SGCZ: variants seen among roughly 807,000 people sequenced by gnomAD.
The protein encoded by SGCZ is sarcoglycan zeta, also known as zeta-sarcoglycan.
Under a neutral mutation model 41.3 loss-of-function variants are expected in SGCZ, and 40 were observed. The ratio of observed to expected loss-of-function variants is 0.97; its 90% confidence interval spans 0.75 to 1.26. The LOEUF (loss-of-function observed/expected upper bound fraction) is 1.26. Among genes scored for constraint, SGCZ ranks in the 50% most tolerant of loss-of-function variants. The probability of loss-of-function intolerance (pLI) is 0.00; values close to 1 mark genes in which losing one functional copy is unlikely to be tolerated. For synonymous variants in SGCZ, 206 were observed against 137.5 expected (o/e 1.50, Z -3.49); for missense variants, 552 against 369.8 (o/e 1.49, Z -4.04).
chr8:15,185,502 TCTA>T (rs2117097074), intron 1 of SGCZ, among the ~76,000 whole-genome samples: 1 of 152,366 alleles, frequency 6.6e-6, no homozygotes, highest in African/African-American at 2.4e-5. Flanking sequence ...TTTTTCTATA[TCTA>T]CTCACTTGAT....
At chr8:15,032,061 C>A (rs1034021676) in intron 1 of SGCZ, among the ~76,000 whole-genome samples, 1 of 152,012 alleles carries the variant, frequency 6.6e-6, no homozygotes, top group Non-Finnish European at 1.5e-5. Context: ...TATGATTTTG[C>A]ACAAACAACT....
chr8:14,952,539 A>T (rs1389652784), intron 1 of SGCZ, among the ~76,000 whole-genome samples: 2 of 152,148 alleles, frequency 1.3e-5, no homozygotes, highest in Non-Finnish European at 2.9e-5. Context: ...ATAAATTTGC[A>T]TTAATTTTGT....
intron 3 of SGCZ, among the ~76,000 whole-genome samples, chr8:14,272,962 G>C (rs977526): frequency 0.29 from 43,894 of 151,886 alleles, 7,513 homozygotes; most frequent in Non-Finnish European, 0.39. Context: ...TCAAATATAT[G>C]AGTGTGAATG....
chr8:14,522,554 G>C (rs1264879102), intron 2 of SGCZ, among the ~76,000 whole-genome samples: 1 of 151,802 alleles, frequency 6.6e-6, no homozygotes. Context: ...GATGTCTGCA[G>C]AGCCCAGGGT....
At chr8:14,272,113 C>G (rs1452208878) in intron 3 of SGCZ, among the ~76,000 whole-genome samples, 1 of 152,162 alleles carries the variant, frequency 6.6e-6, no homozygotes, top group Non-Finnish European at 1.5e-5. Context: ...AAGCGATTCT[C>G]CTGCCTCAGC....
intron 2 of SGCZ, among the ~76,000 whole-genome samples, chr8:14,458,480 A>T (rs924451169): frequency 5.3e-5 from 8 of 152,188 alleles, no homozygotes; most frequent in African/African-American, 1.9e-4. Flanking sequence ...ACAGATAATG[A>T]GATCTAGGTG....
chr8:14,617,744 T>A (rs572078757), intron 1 of SGCZ, among the ~76,000 whole-genome samples: 2 of 152,090 alleles, frequency 1.3e-5, no homozygotes, highest in African/African-American at 4.8e-5. Context: ...ACAATAGACA[T>A]GGAAATAAAG....
Position 14,309,643 on chromosome 8 carries a change from G to A in SGCZ, c.336+14460C>T, listed in dbSNP as rs1381686925. 5 of 1,610,570 alleles carry A rather than the reference G, an allele frequency of 3.1e-6. No individual in the cohort carries two copies. In the African/African-American group the frequency reaches 5.4e-5, roughly 17 times the overall value. ...CACGCAGACACAGCTACTAAGAGCG[G>A]CTCCACCACTAAAAATAGGTTTGTT... On this transcript the variant is annotated intron_variant, in intron 3 of 7. Coordinates refer to ENST00000382080, the MANE Select transcript of SGCZ (RefSeq NM_139167.4).
intron 1 of SGCZ, among the ~76,000 whole-genome samples, chr8:14,831,775 C>A (rs1585301421): frequency 6.9e-6 from 1 of 144,308 alleles, no homozygotes; most frequent in South Asian, 2.1e-4. Flanking sequence ...CATATATACA[C>A]ACACGTATAT....
At chr8:14,946,575 GC>G in intron 1 of SGCZ, among the ~76,000 whole-genome samples, 1 of 151,926 alleles carries the variant, frequency 6.6e-6, no homozygotes, top group Non-Finnish European at 1.5e-5. Flanking sequence ...TGAGCGCCTG[GC>G]ACAATGTATG....
intron 1 of SGCZ, among the ~76,000 whole-genome samples, chr8:14,587,926 G>T (rs1195958222): frequency 1.3e-5 from 2 of 151,990 alleles, no homozygotes; most frequent in African/African-American, 4.8e-5. Flanking sequence ...TGCATCCACT[G>T]TTTCCTTGTC....
intron 1 of SGCZ, among the ~76,000 whole-genome samples, chr8:14,629,435 C>T (rs1010233191): frequency 1.3e-5 from 2 of 151,994 alleles, no homozygotes; most frequent in African/African-American, 4.8e-5. Flanking sequence ...TTATAATGTA[C>T]AAACAGATCC....
chr8:14,942,147 G>C (rs1268132906), intron 1 of SGCZ, among the ~76,000 whole-genome samples: 1 of 151,974 alleles, frequency 6.6e-6, no homozygotes, highest in African/African-American at 2.4e-5. Flanking sequence ...TCTGGGTCCA[G>C]GATCTGGTAC....
intron 1 of SGCZ, among the ~76,000 whole-genome samples, chr8:14,981,333 C>T (rs944301128): frequency 6.6e-6 from 1 of 152,154 alleles, no homozygotes; most frequent in Non-Finnish European, 1.5e-5. Context: ...TGTCTTTTCA[C>T]CTGTGTTAAG....
intron 1 of SGCZ, among the ~76,000 whole-genome samples, chr8:14,815,163 G>C (rs1801864420): frequency 1.3e-5 from 2 of 151,830 alleles, no homozygotes; most frequent in Admixed American, 1.3e-4. Flanking sequence ...ATGTTGAGAA[G>C]AAAGTGCTCA....
At chr8:14,524,354 G>A (rs1017840743) in intron 2 of SGCZ, among the ~76,000 whole-genome samples, 1 of 151,952 alleles carries the variant, frequency 6.6e-6, no homozygotes, top group African/African-American at 2.4e-5. Context: ...CTGGATTCGG[G>A]TGGGGGAATC....
chr8:14,588,697 T>C (rs1231911839), intron 1 of SGCZ, among the ~76,000 whole-genome samples: 1 of 152,032 alleles, frequency 6.6e-6, no homozygotes, highest in Non-Finnish European at 1.5e-5. Flanking sequence ...AAATGTCATC[T>C]CTCTGAATTT....
At chr8:14,639,782 T>C (rs1457257487) in intron 1 of SGCZ, among the ~76,000 whole-genome samples, 1 of 150,770 alleles carries the variant, frequency 6.6e-6, no homozygotes, top group Admixed American at 6.7e-5. Context: ...GTGAGAGACT[T>C]TTTTTTTTCT....
At chr8:14,143,350 T>C (rs1452971309) in intron 5 of SGCZ, among the ~76,000 whole-genome samples, 1 of 152,202 alleles carries the variant, frequency 6.6e-6, no homozygotes, top group East Asian at 1.9e-4. Context: ...ATAAAATACA[T>C]ACAGGTTAAA....
Sources: gnomAD v4.1 joint callset for allele counts (sites outside exome capture counted in the v4.1 genomes callset) on GRCh38, gnomAD v4.1.1 for gene constraint, MANE v1.5 for transcripts, NCBI Gene and HGNC (gene_info 2026-07-23, HGNC 2026-07-21) for gene names.